The following ZNF425 variants were observed in gnomAD, a reference collection of about 807,000 sequenced individuals.
ZNF425 encodes zinc finger protein 425.
In ZNF425, 21 loss-of-function variants were observed where a neutral mutation model predicts 17.0. That is an observed-to-expected ratio of 1.23 (90% CI 0.88 to 1.78). The LOEUF (loss-of-function observed/expected upper bound fraction) is 1.78. Among genes scored for constraint, ZNF425 ranks in the 40% most tolerant of loss-of-function variants. The pLI, the probability that ZNF425 is intolerant of heterozygous loss-of-function variation, is 0.00. For synonymous variants in ZNF425, 433 were observed against 384.1 expected, an observed-to-expected ratio of 1.13 and a Z score of -1.49; for missense variants, 868 against 967.3, an observed-to-expected ratio of 0.90 and a Z score of 1.36.
In ZNF425 at chr7:149,105,195, A is replaced by G. The variant is rs1422385701; in HGVS notation, c.676T>C (p.Ser226Pro). The G allele has an allele frequency of 6.2e-7, 1 of 1,614,104 alleles. No homozygotes were observed. The highest frequency in any genetic ancestry group is 8.5e-7 in the Non-Finnish European group (1 of 1,180,030). Residue 226 changes from serine to proline, a missense_variant, in exon 4 of 4, where the codon TCG becomes CCG. Ser to Pro is a moderately conservative substitution (Grantham distance 74). Coordinates refer to ENST00000378061, the MANE Select transcript of ZNF425 (RefSeq NM_001001661.3). ...CTGAGTTCGGACTTCCCTCTGGACG[A>G]GTTTTTGTACTTTGGGTATCTGCAG... ...QLCRYPKYKN[S>P]SRGKSELRRT...
At chr7:149,120,337 G>A (rs1396142399) in intron 1 of ZNF425, among the ~76,000 whole-genome samples, 1 of 152,186 alleles carries the variant, frequency 6.6e-6, no homozygotes, top group African/African-American at 2.4e-5. Context: ...AGCTGTGACT[G>A]TGCCACTGCA....
At position 149,105,119 on chromosome 7, in the gene ZNF425, C is replaced by T. The variant is rs1826059345; in HGVS notation, c.752G>A (p.Cys251Tyr). The change falls in exon 4 of 4, where the codon TGT (cysteine) becomes TAT (tyrosine). Residue 251 changes from cysteine (C) to tyrosine (Y), a missense_variant. Transcript: ENST00000378061. ...GCCCTTCAGGAAGTAGCTCTTCTCA[C>T]ACTCACTGCACTGGAACCGCTTCTT... is the stretch of plus-strand genomic sequence containing the variant. Reference protein sequence around the residue: ...CQKKRFQCSECEKSYFLKGSL... With the variant: ...CQKKRFQCSEYEKSYFLKGSL... 1 of 1,614,262 alleles carries T rather than the reference C, an allele frequency of 6.2e-7. No homozygotes were observed. Among genetic ancestry groups the T allele is most frequent in the Non-Finnish European group, 8.5e-7 (1 of 1,180,052 alleles).
intron 1 of ZNF425, among the ~76,000 whole-genome samples, chr7:149,121,079 C>CTTTTTT (rs75534831): frequency 4.6e-4 from 29 of 62,784 alleles, no homozygotes; most frequent in African/African-American, 1.3e-3. Context: ...TTTTACATTC[C>CTTTTTT]TTTTTTTTTT....
At position 149,104,941 on chromosome 7, in the gene ZNF425, G is replaced by A; in HGVS notation, c.930C>T (p.Ala310=). 5.6e-6 allele frequency: 9 copies of A among 1,613,900 alleles called. No individual in the cohort carries two copies. Among genetic ancestry groups the A allele is most frequent in the Non-Finnish European group, 7.6e-6 (9 of 1,180,004 alleles). Residue 310 remains alanine (A), a synonymous_variant, in exon 4 of 4, where the codon GCC becomes GCT. Transcript: ENST00000378061. This position sits in a 1 kb window ranked among gnomAD's most constrained non-coding sequence, Gnocchi z 4.3. ...CCGTGAGCTCGCACTGCTGCACGAA[G>A]GCCCGGCCGCACTCCCCGCAGCAGA... ...RPFCCGECGR[A]FVQQCELTEH...
chr7:149,104,494 G>A lies in ZNF425; in HGVS notation c.1377C>T (p.Ala459=), dbSNP rs1366230390. Residue 459 remains alanine, a synonymous_variant, in exon 4 of 4, where the codon GCC becomes GCT. Coordinates refer to ENST00000378061, the MANE Select transcript of ZNF425 (RefSeq NM_001001661.3). This position sits in a 1 kb window ranked among gnomAD's most constrained non-coding sequence, Gnocchi z 4.3. Reference sequence around the variant, plus strand: ...TTTGCTCGCTGTGCAGGCGCTGGTGGGCGCGCATGGCGTTCCTCCAGAAGA... The same window carrying A: ...TTTGCTCGCTGTGCAGGCGCTGGTGAGCGCGCATGGCGTTCCTCCAGAAGA... ...RGFFWRNAMR[A]HQRLHSEQKP... The A allele has an allele frequency of 1.3e-6, 2 of 1,595,314 alleles. No homozygotes were observed. The highest frequency in any genetic ancestry group is 1.7e-6 in the Non-Finnish European group (2 of 1,172,434).
At chr7:149,115,711 G>A (rs902096357) in intron 2 of ZNF425, among the ~76,000 whole-genome samples, 1 of 149,814 alleles carries the variant, frequency 6.7e-6, no homozygotes, top group Non-Finnish European at 1.5e-5. Context: ...AAAAAGAAGG[G>A]TTTCCATAAA....
In ZNF425 at chr7:149,126,244, C is replaced by A. The variant is rs1431916868; in HGVS notation, c.-31G>T. 1.2e-6 allele frequency: 2 copies of A among 1,607,874 alleles called. No individual in the cohort carries two copies. The highest frequency in any genetic ancestry group is 1.7e-6 in the Non-Finnish European group (2 of 1,177,656). ...TTCCGCACGAACCGGCCCTGCCTGG[C>A]ACGGCCTCCCCTCCGCTCCGCCCCA... is the stretch of plus-strand genomic sequence containing the variant. On this transcript the variant is annotated 5_prime_UTR_variant, in exon 1 of 4. Coordinates refer to ENST00000378061, the MANE Select transcript of ZNF425 (RefSeq NM_001001661.3).
At chr7:149,116,388 A>G (rs911384152) in intron 2 of ZNF425, among the ~76,000 whole-genome samples, 3 of 152,154 alleles carry the variant, frequency 2.0e-5, no homozygotes, top group East Asian at 1.9e-4. Flanking sequence ...CCATCAGGAT[A>G]CTCAAACCAA....
rs76833043 is a variant in ZNF425, at chr7:149,109,085, T to C, written c.304+3052A>G. ...TCTCTGTTTTCTTTTTTCTTTCTTT[T>C]TTTTTTTTTTTGAAACGGAGTCTCG... is the stretch of plus-strand genomic sequence containing the variant. On this transcript the variant is annotated intron_variant, in intron 3 of 3. Coordinates refer to ENST00000378061, the MANE Select transcript of ZNF425 (RefSeq NM_001001661.3). Among the ~76,000 whole-genome samples, 15 of 149,462 alleles carry C rather than the reference T, an allele frequency of 1.0e-4. No individual in the cohort carries two copies. The East Asian group carries it at 1.2e-3, about 12-fold the overall frequency.
At chr7:149,115,916 G>T (rs58568083) in intron 2 of ZNF425, among the ~76,000 whole-genome samples, 6,843 of 152,248 alleles carry the variant, frequency 0.045, 519 homozygotes, top group African/African-American at 0.16. Context: ...AATCCTAAGC[G>T]CTGGGGCTGG....
Position 149,103,581 on chromosome 7 carries a change from A to G in ZNF425, c.*31T>C, listed in dbSNP as rs1488724809. 1 of 1,547,408 alleles carries G rather than the reference A, an allele frequency of 6.5e-7. No individual in the cohort carries two copies. Among genetic ancestry groups the G allele is most frequent in the East Asian group, 2.2e-5 (1 of 44,468 alleles). ...AACAGAGCTGCTGGCACCTCCTGAA[A>G]GCCGACTGCGTGACTGCTGCATGGC... On this transcript the variant is annotated 3_prime_UTR_variant, in exon 4 of 4. Transcript: ENST00000378061.
intron 1 of ZNF425, chr7:149,125,879 C>G: frequency 1.9e-6 from 1 of 525,874 alleles, no homozygotes; most frequent in South Asian, 2.0e-5. Flanking sequence ...AGAGGCACCG[C>G]GCGACGGACC....
At chr7:149,117,350 T>TA (rs1357614754) in intron 2 of ZNF425, among the ~76,000 whole-genome samples, 1 of 152,138 alleles carries the variant, frequency 6.6e-6, no homozygotes, top group East Asian at 1.9e-4. Context: ...TTAATCTTTT[T>TA]AATCTACTCC....
At chr7:149,111,102 GC>G (rs909257442) in intron 3 of ZNF425, among the ~76,000 whole-genome samples, 5 of 151,700 alleles carry the variant, frequency 3.3e-5, no homozygotes, top group African/African-American at 9.7e-5. Context: ...GCCATCCCTT[GC>G]CCTTTACAAG....
chr7:149,111,496 G>A (rs975172326), intron 3 of ZNF425, among the ~76,000 whole-genome samples: 1 of 146,138 alleles, frequency 6.8e-6, no homozygotes, highest in Non-Finnish European at 1.5e-5. Context: ...GGAGGCTGAG[G>A]AAGGAGAATC....
chr7:149,123,841 CTT>C lies in ZNF425; in HGVS notation c.18+2353_18+2354del, dbSNP rs11301508. ...GCCACTGCGCCCGGACTTGCTTTTTCTTTTTTTTTTTTTTTTTCCTTTTTGAG... is the reference window on the plus strand; with the variant it reads ...GCCACTGCGCCCGGACTTGCTTTTTCTTTTTTTTTTTTTTTCCTTTTTGAG... On this transcript the variant is annotated intron_variant, in intron 1 of 3. Transcript: ENST00000378061. Among the ~76,000 whole-genome samples, 216 of 128,108 alleles carry C rather than the reference CTT, an allele frequency of 1.7e-3. 1 individual carries two copies. The highest frequency in any genetic ancestry group is 4.4e-3 in the Middle Eastern group (1 of 228). The allele number at this position is 128,108 out of a possible 152,430, so 84.0% of individuals were successfully genotyped here.
intron 2 of ZNF425, among the ~76,000 whole-genome samples, chr7:149,116,360 A>G (rs1826266086): frequency 6.6e-6 from 1 of 152,204 alleles, no homozygotes; most frequent in African/African-American, 2.4e-5. Flanking sequence ...TCCTCCTGTT[A>G]GTGAACAAAG....
chr7:149,105,007 GTTGGCC>G lies in ZNF425; in HGVS notation c.858_863del (p.Arg286_Asn288delinsSer). On this transcript the variant is annotated inframe_deletion, in exon 4 of 4. Coordinates refer to ENST00000378061, the MANE Select transcript of ZNF425 (RefSeq NM_001001661.3). ...GGTGTAGACACAGGTGCTTCTTCAG[GTTGGCC>G]CTGTACCGGAAGGTCTTGTCGCACT... The G allele has an allele frequency of 6.2e-7, 1 of 1,614,170 alleles. No individual in the cohort carries two copies. The highest frequency in any genetic ancestry group is 8.5e-7 in the Non-Finnish European group (1 of 1,180,020).
Position 149,105,521 on chromosome 7 carries a change from T to C in ZNF425, c.350A>G (p.Asn117Ser). ...PRTKEEDCRL[N>S]GPQKQDLCAA... is the part of the protein sequence containing the mutation. ...ACACAAGTCCTGTTTTTGAGGACCA[T>C]TTAAACGGCAATCCTCTTCTTTTGT... The change falls in exon 4 of 4, where the codon AAT becomes AGT. Residue 117 changes from asparagine (N) to serine (S), a missense_variant. By Grantham distance (46) the Asn-to-Ser change is conservative. Coordinates refer to ENST00000378061, the MANE Select transcript of ZNF425 (RefSeq NM_001001661.3). The C allele has an allele frequency of 6.6e-7, 1 of 1,517,480 alleles. No individual in the cohort carries two copies. The highest frequency in any genetic ancestry group is 8.8e-7 in the Non-Finnish European group (1 of 1,136,654). 94.0% of individuals were successfully genotyped at this position (1,517,480 alleles called of 1,614,324 possible).
Sources: gnomAD v4.1 joint callset for allele counts (sites outside exome capture counted in the v4.1 genomes callset) on GRCh38, gnomAD v4.1.1 for gene constraint, Gnocchi (gnomAD v3.1) non-coding constraint, MANE v1.5 for transcripts, NCBI Gene and HGNC (gene_info 2026-07-23, HGNC 2026-07-21) for gene names.